The following ABLIM1 variants were observed in gnomAD, a reference collection of about 807,000 sequenced individuals.
ABLIM1 encodes the protein actin-binding LIM protein 1.
ABLIM1 carries 40 observed loss-of-function variants against 107.0 expected under a neutral mutation model. The ratio of observed to expected loss-of-function variants is 0.37; its 90% CI spans 0.29 to 0.49. ABLIM1 has a LOEUF of 0.49. Among genes scored for constraint, ABLIM1 ranks in the 20% least tolerant of loss-of-function variants. The probability of loss-of-function intolerance (pLI) is 0.97; values close to 1 mark genes in which losing one functional copy is unlikely to be tolerated. For missense variants in ABLIM1, 857 were observed against 1,008.5 expected (o/e 0.85, Z 2.04); for synonymous variants, 357 against 357.3 (o/e 1.00, Z 0.01).
rs753207970 is a variant in ABLIM1 at position 114,513,020 on chromosome 10, AAGAC to A, written c.895-21146_895-21143del. On this transcript the variant is annotated intron_variant, in intron 6 of 22. Coordinates refer to ENST00000533213, the MANE Select transcript of ABLIM1 (RefSeq NM_002313.7). ...TCCTATCACTTACACTATAGTCAAG[AAGAC>A]AGTCACCTGTACTCTCCATCCATCC... Among the ~76,000 whole-genome samples the A allele has an allele frequency of 5.3e-5, 8 of 152,108 alleles. No homozygotes were observed. The East Asian group carries it at 5.8e-4, about 11-fold the overall frequency.
Position 114,468,251 on chromosome 10 carries a change from T to C in ABLIM1, c.1276-35A>G, listed in dbSNP as rs747907127. 42 of 1,597,698 alleles carry C rather than the reference T, an allele frequency of 2.6e-5. No individual in the cohort carries two copies. The South Asian group carries it at 3.0e-4, about 11-fold the overall frequency. ...TAAAAGAGAATTTAAAGTCACAATG[T>C]TTGTTAACTCTTTGCCGTTTTGTTT... On this transcript the variant is annotated intron_variant, in intron 10 of 22. Coordinates refer to ENST00000533213, the MANE Select transcript of ABLIM1 (RefSeq NM_002313.7).
At chr10:114,788,188 A>G in the ABLIM1 span, among the ~76,000 whole-genome samples, 2 of 151,112 alleles carry the variant, frequency 1.3e-5, no homozygotes, top group Non-Finnish European at 3.0e-5. Flanking sequence ...GGACACAAAC[A>G]CTGCGGAAGG....
chr10:114,433,870 A>G lies in ABLIM1; in HGVS notation c.*2390T>C, dbSNP rs886083241. On this transcript the variant is annotated 3_prime_UTR_variant, in exon 23 of 23. Coordinates refer to ENST00000533213, the MANE Select transcript of ABLIM1 (RefSeq NM_002313.7). Reference sequence around the variant, plus strand: ...AAATACCTTGATTTTTCTTATATTGACATTTCATCTGCACATGTCTGGGTG... The same window carrying G: ...AAATACCTTGATTTTTCTTATATTGGCATTTCATCTGCACATGTCTGGGTG... 7.9e-5 allele frequency: 12 copies of G among 152,308 alleles called. No homozygotes were observed. Among genetic ancestry groups the G allele is most frequent in the African/African-American group, 2.9e-4 (12 of 41,570 alleles). 9.4% of individuals were successfully genotyped at this position (152,308 alleles called of 1,614,324 possible). A position where few individuals can be genotyped will look rare whatever the true frequency, so the allele number is the denominator to read the frequency against.
At chr10:114,717,797 C>T (rs2081707191) in intron 1 of ABLIM1, among the ~76,000 whole-genome samples, 1 of 151,602 alleles carries the variant, frequency 6.6e-6, no homozygotes, top group African/African-American at 2.4e-5. Flanking sequence ...CCTATAGTCC[C>T]AGCTACTCAA....
chr10:114,555,008 G>A (rs985230209), intron 4 of ABLIM1, among the ~76,000 whole-genome samples: 1 of 152,054 alleles, frequency 6.6e-6, no homozygotes, highest in Non-Finnish European at 1.5e-5. Flanking sequence ...TGTAATTACC[G>A]AGCCGAATTT....
chr10:114,441,245 T>C (rs1433141054), intron 18 of ABLIM1, among the ~76,000 whole-genome samples, 168 bp from the exon 19 acceptor site: 1 of 152,196 alleles, frequency 6.6e-6, no homozygotes, highest in East Asian at 1.9e-4. Context: ...CATCTCTTTG[T>C]CTTTTTTAGT....
intron 1 of ABLIM1, among the ~76,000 whole-genome samples, chr10:114,657,621 A>T (rs1566190090): frequency 6.6e-6 from 1 of 152,032 alleles, no homozygotes; most frequent in African/African-American, 2.4e-5. Flanking sequence ...CTTTCCATTC[A>T]TCCTTTGTCA....
At chr10:114,744,857 C>T (rs1392810030) in intron 1 of ABLIM1, among the ~76,000 whole-genome samples, 1 of 152,096 alleles carries the variant, frequency 6.6e-6, no homozygotes, top group Non-Finnish European at 1.5e-5. Flanking sequence ...TGACCCTGCC[C>T]TGACATAAGG....
intron 1 of ABLIM1, among the ~76,000 whole-genome samples, chr10:114,670,351 GA>G (rs1166789863): frequency 2.6e-5 from 4 of 152,086 alleles, no homozygotes; most frequent in Non-Finnish European, 5.9e-5. Flanking sequence ...TCAACTCAGT[GA>G]TTGTTTCTCC....
At chr10:114,671,474 G>A (rs1696105927) in intron 1 of ABLIM1, among the ~76,000 whole-genome samples, 4 of 152,158 alleles carry the variant, frequency 2.6e-5, no homozygotes, top group African/African-American at 9.7e-5. Flanking sequence ...GCACACACAC[G>A]GATGTATCAT....
intron 16 of ABLIM1, among the ~76,000 whole-genome samples, 188 bp from the exon 17 acceptor site, chr10:114,444,322 T>C (rs1234497772): frequency 2.6e-5 from 4 of 152,114 alleles, no homozygotes; most frequent in Non-Finnish European, 5.9e-5. Context: ...TAAACCCTCT[T>C]AGCCCTTTCA....
At chr10:114,438,022 A>C in intron 21 of ABLIM1, 98 bp from the exon 22 acceptor site, 4 of 1,155,966 alleles carry the variant, frequency 3.5e-6, no homozygotes, top group Non-Finnish European at 5.1e-6. Context: ...TAGAGCTTCC[A>C]AGAGACTGTC....
intron 1 of ABLIM1, among the ~76,000 whole-genome samples, chr10:114,616,243 T>G (rs1591603555): frequency 6.6e-6 from 1 of 152,082 alleles, no homozygotes; most frequent in African/African-American, 2.4e-5. Flanking sequence ...CCTGCCCCAC[T>G]CCTCCCAACC....
intron 15 of ABLIM1, among the ~76,000 whole-genome samples, chr10:114,445,930 C>G (rs941161042): frequency 6.6e-6 from 1 of 152,132 alleles, no homozygotes; most frequent in Non-Finnish European, 1.5e-5. Flanking sequence ...CCACCATACC[C>G]TACTGATTTT....
intron 1 of ABLIM1, among the ~76,000 whole-genome samples, chr10:114,704,302 C>CTCTCTATATATATATA (rs1380460034): frequency 2.3e-5 from 1 of 43,054 alleles, no homozygotes; most frequent in African/African-American, 8.4e-5. Context: ...CTCTCTCTCT[C>CTCTCTATATATATATA]TATATATATA....
chr10:114,596,792 A>T (rs2075456220), intron 2 of ABLIM1, among the ~76,000 whole-genome samples: 1 of 151,842 alleles, frequency 6.6e-6, no homozygotes, highest in South Asian at 2.1e-4. Flanking sequence ...TTTTTTCAAA[A>T]CCTATTTTTA....
intron 1 of ABLIM1, among the ~76,000 whole-genome samples, chr10:114,647,828 T>A (rs1002548849): frequency 6.6e-6 from 1 of 152,190 alleles, no homozygotes. Flanking sequence ...CAAACAAAAC[T>A]TGGGGGGCCA....
intron 1 of ABLIM1, among the ~76,000 whole-genome samples, chr10:114,652,805 G>A (rs2079313457): frequency 6.6e-6 from 1 of 152,146 alleles, no homozygotes; most frequent in African/African-American, 2.4e-5. Flanking sequence ...AGGACAGAAA[G>A]AAACACAGGT....
intron 22 of ABLIM1, 91 bp from the exon 23 acceptor site, chr10:114,436,464 A>T: frequency 2.1e-6 from 2 of 942,820 alleles, no homozygotes; most frequent in Non-Finnish European, 3.3e-6. Flanking sequence ...ATACAGAGTC[A>T]TTCTGAAGAA....
Sources: gnomAD v4.1 joint callset for allele counts (sites outside exome capture counted in the v4.1 genomes callset) on GRCh38, gnomAD v4.1.1 for gene constraint, MANE v1.5 for transcripts, NCBI Gene and HGNC (gene_info 2026-07-23, HGNC 2026-07-21) for gene names.